MAP4K3: variants seen among roughly 807,000 people sequenced by gnomAD.
MAP4K3 encodes mitogen-activated protein kinase kinase kinase kinase 3, also known as MAPK/ERK kinase kinase kinase 3.
MAP4K3 carries 94 observed loss-of-function variants against 143.5 expected under a neutral mutation model. That is an observed-to-expected ratio of 0.65 (90% CI 0.55 to 0.78). MAP4K3 has a LOEUF of 0.78. MAP4K3 is among the 30% of genes least tolerant of loss of function. The pLI is 0.00. For missense variants in MAP4K3, 1,077 were observed against 1,068.1 expected (o/e 1.01, Z -0.12); for synonymous variants, 416 against 347.2 (o/e 1.20, Z -2.20).
intron 1 of MAP4K3, among the ~76,000 whole-genome samples, chr2:39,379,042 G>A (rs1490207276): frequency 1.3e-5 from 2 of 151,958 alleles, no homozygotes; most frequent in South Asian, 2.1e-4. Flanking sequence ...CACCAATGAA[G>A]AACAATACAT....
At chr2:39,283,840 A>G (rs978959016) in intron 21 of MAP4K3, 1 of 152,188 alleles carries the variant, frequency 6.6e-6, no homozygotes, top group African/African-American at 2.4e-5. Flanking sequence ...TTCAAGGTTA[A>G]TCTCAGTAAC....
At chr2:39,426,011 T>A (rs1229343803) in intron 1 of MAP4K3, among the ~76,000 whole-genome samples, 1 of 152,108 alleles carries the variant, frequency 6.6e-6, no homozygotes, top group Non-Finnish European at 1.5e-5. Flanking sequence ...TCTCAAAGTA[T>A]CTCCCCATAA....
chr2:39,326,375 G>C, intron 8 of MAP4K3, 98 bp from the exon 9 acceptor site: 1 of 1,298,784 alleles, frequency 7.7e-7, no homozygotes, highest in African/African-American at 1.5e-5. Flanking sequence ...CTAAATTAAG[G>C]CCTCTTTAGG....
intron 1 of MAP4K3, among the ~76,000 whole-genome samples, chr2:39,420,802 A>T (rs1667525338): frequency 6.6e-6 from 1 of 152,106 alleles, no homozygotes; most frequent in South Asian, 2.1e-4. Context: ...TCTTTCCTTG[A>T]CACTCCCATC....
At chr2:39,432,807 C>A (rs1267309074) in intron 1 of MAP4K3, among the ~76,000 whole-genome samples, 1 of 152,148 alleles carries the variant, frequency 6.6e-6, no homozygotes, top group Non-Finnish European at 1.5e-5. Flanking sequence ...CCAGCTTTCA[C>A]AGACACTTTA....
intron 2 of MAP4K3, among the ~76,000 whole-genome samples, chr2:39,377,201 CTTT>C (rs56149359): frequency 1.8e-5 from 2 of 110,588 alleles, no homozygotes; most frequent in African/African-American, 3.0e-5. Context: ...GCTATTTGGC[CTTT>C]TTTTTTTTTT....
At chr2:39,335,586 C>T (rs1022114193) in intron 6 of MAP4K3, among the ~76,000 whole-genome samples, 4 of 152,174 alleles carry the variant, frequency 2.6e-5, no homozygotes, top group African/African-American at 9.7e-5. Flanking sequence ...ACTTCTGTAT[C>T]TGCTCACATT....
At chr2:39,259,324 G>A (rs1013339706) in intron 29 of MAP4K3, among the ~76,000 whole-genome samples, 2 of 152,222 alleles carry the variant, frequency 1.3e-5, no homozygotes, top group Middle Eastern at 6.8e-3. Flanking sequence ...GAACAGCTCC[G>A]GGGGTGGGGC....
intron 4 of MAP4K3, among the ~76,000 whole-genome samples, chr2:39,341,827 A>C (rs928926536): frequency 1.3e-5 from 2 of 152,184 alleles, no homozygotes; most frequent in Non-Finnish European, 2.9e-5. Context: ...ATAATGCCAG[A>C]TATCTCTTCA....
chr2:39,403,644 T>A (rs936761739), intron 1 of MAP4K3, among the ~76,000 whole-genome samples: 1 of 151,880 alleles, frequency 6.6e-6, no homozygotes, highest in Non-Finnish European at 1.5e-5. Flanking sequence ...TCAATAAACC[T>A]GAAAGGCAGT....
intron 13 of MAP4K3, among the ~76,000 whole-genome samples, chr2:39,314,219 G>A (rs899928205): frequency 6.6e-5 from 10 of 151,536 alleles, no homozygotes; most frequent in South Asian, 2.1e-4. Flanking sequence ...ATGTAGAGAC[G>A]GAGTTTCGCC....
intron 13 of MAP4K3, among the ~76,000 whole-genome samples, chr2:39,310,776 AT>A (rs1682912556): frequency 6.6e-6 from 1 of 152,166 alleles, no homozygotes; most frequent in African/African-American, 2.4e-5. Flanking sequence ...AACAACAGCC[AT>A]TTAAACTAGG....
intron 1 of MAP4K3, among the ~76,000 whole-genome samples, chr2:39,389,825 G>A (rs1365722501): frequency 6.6e-6 from 1 of 152,124 alleles, no homozygotes; most frequent in Non-Finnish European, 1.5e-5. Flanking sequence ...GATGCAAGGA[G>A]TATCAAATAA....
chr2:39,394,304 A>G (rs193182645), intron 1 of MAP4K3, among the ~76,000 whole-genome samples: 269 of 152,324 alleles, frequency 1.8e-3, no homozygotes, highest in African/African-American at 6.2e-3. Context: ...GGAGCCAGGG[A>G]AAGGCAGAAC....
intron 13 of MAP4K3, among the ~76,000 whole-genome samples, chr2:39,311,122 G>A (rs1395839041): frequency 1.3e-5 from 2 of 152,186 alleles, no homozygotes; most frequent in East Asian, 1.9e-4. Context: ...CCGTTGCCCA[G>A]GCTGGAGTGT....
chr2:39,349,525 GT>G (rs1241338770), intron 3 of MAP4K3, among the ~76,000 whole-genome samples: 1 of 152,164 alleles, frequency 6.6e-6, no homozygotes, highest in Non-Finnish European at 1.5e-5. Context: ...AGTTAAATCA[GT>G]TTTTAAAAAT....
intron 15 of MAP4K3, among the ~76,000 whole-genome samples, chr2:39,306,157 T>C (rs1682698925): frequency 6.6e-6 from 1 of 152,218 alleles, no homozygotes; most frequent in Non-Finnish European, 1.5e-5. Flanking sequence ...GTATTATGTT[T>C]CCAGTTTTGT....
intron 1 of MAP4K3, among the ~76,000 whole-genome samples, chr2:39,383,421 T>TC (rs56246974): frequency 0.96 from 145,725 of 152,054 alleles, 70,167 homozygotes; most frequent in East Asian, 1. Context: ...TTCAATTACC[T>TC]CCACCAGGTT....
At chr2:39,258,053 TC>T (rs964353917) in intron 31 of MAP4K3, among the ~76,000 whole-genome samples, 1 of 152,016 alleles carries the variant, frequency 6.6e-6, no homozygotes, top group African/African-American at 2.4e-5. Flanking sequence ...TGCCTCAGCT[TC>T]CCAAGTAGCT....
Sources: allele counts gnomAD v4.1 joint callset (sites outside exome capture counted in the v4.1 genomes callset), GRCh38; gene constraint gnomAD v4.1.1; transcripts MANE v1.5; gene names NCBI Gene and HGNC (gene_info 2026-07-23, HGNC 2026-07-21).